Variants in SUGCT observed in about 807,000 individuals in gnomAD.
SUGCT encodes the protein succinyl-CoA:glutarate CoA-transferase.
SUGCT carries 41 observed loss-of-function variants against 55.0 expected under a neutral mutation model. That is an observed-to-expected ratio of 0.74 (90% CI 0.58 to 0.97). The LOEUF is 0.97. Among genes scored for constraint, SUGCT ranks in the 50% least tolerant of loss-of-function variants. The probability of loss-of-function intolerance (pLI) is 0.00; values close to 1 mark genes in which losing one functional copy is unlikely to be tolerated. For missense variants in SUGCT, 568 were observed against 547.8 expected (o/e 1.04, Z -0.37); for synonymous variants, 187 against 200.4 (o/e 0.93, Z 0.56).
intron 9 of SUGCT, among the ~76,000 whole-genome samples, chr7:40,423,066 A>G (rs747681696): frequency 5.3e-5 from 8 of 152,170 alleles, no homozygotes; most frequent in African/African-American, 1.2e-4. Context: ...TGCCTGAGGC[A>G]CAGAGAGGTT....
chr7:40,440,151 T>C lies in SUGCT; in HGVS notation c.817-9136T>C, dbSNP rs1158380877. ...TTTTTGTCTGTGTGTGTGTGTTTTT[T>C]TTTTTTTTTTTTTTTTTTTTTTTTT... On this transcript the variant is annotated intron_variant, in intron 9 of 13. Coordinates refer to ENST00000335693, the MANE Select transcript of SUGCT (RefSeq NM_001193313.2). 2.7e-5 allele frequency among the ~76,000 whole-genome samples: 3 copies of C among 112,742 alleles called. No homozygotes were observed. The East Asian group carries it at 6.9e-4, about 26-fold the overall frequency. The allele number at this position is 112,742 out of a possible 152,430, so 74.0% of individuals were successfully genotyped here.
intron 9 of SUGCT, among the ~76,000 whole-genome samples, chr7:40,427,753 G>T (rs758716591): frequency 3.9e-5 from 6 of 152,252 alleles, no homozygotes; most frequent in Non-Finnish European, 8.8e-5. Flanking sequence ...CCTTCCGATT[G>T]TAATGCAGGA....
At chr7:40,428,993 C>A (rs1440822512) in intron 9 of SUGCT, among the ~76,000 whole-genome samples, 6 of 151,948 alleles carry the variant, frequency 3.9e-5, no homozygotes, top group Non-Finnish European at 8.8e-5. Flanking sequence ...TCCTTTTTTT[C>A]TTTTTAAAAT....
intron 12 of SUGCT, among the ~76,000 whole-genome samples, chr7:40,667,661 C>T (rs1801718336): frequency 6.6e-6 from 1 of 151,376 alleles, no homozygotes; most frequent in Non-Finnish European, 1.5e-5. Flanking sequence ...CAGTTTCTTC[C>T]TGGTTCAATC....
chr7:40,870,755 G>C, the SUGCT span, among the ~76,000 whole-genome samples: 2 of 152,082 alleles, frequency 1.3e-5, no homozygotes, highest in African/African-American at 4.8e-5. Flanking sequence ...TAATTCTATT[G>C]TAAGAGTTGC....
At chr7:40,424,066 A>C (rs1787458520) in intron 9 of SUGCT, among the ~76,000 whole-genome samples, 2 of 152,118 alleles carry the variant, frequency 1.3e-5, no homozygotes, top group Non-Finnish European at 2.9e-5. Flanking sequence ...TTTCCCCTGT[A>C]AATTATTTTT....
chr7:40,242,722 G>A (rs1254507871), intron 7 of SUGCT, among the ~76,000 whole-genome samples: 2 of 151,232 alleles, frequency 1.3e-5, no homozygotes, highest in Admixed American at 1.3e-4. Context: ...AGAGTTTGGG[G>A]TTCTGGCTCT....
chr7:40,995,739 C>A, the SUGCT span, among the ~76,000 whole-genome samples: 2 of 152,122 alleles, frequency 1.3e-5, no homozygotes, highest in African/African-American at 2.4e-5. Context: ...ACCTTACAGC[C>A]CTTCATGGCA....
At chr7:40,411,960 TG>T (rs1786720144) in intron 9 of SUGCT, among the ~76,000 whole-genome samples, 1 of 152,106 alleles carries the variant, frequency 6.6e-6, no homozygotes, top group African/African-American at 2.4e-5. Context: ...ATTTTTTTGA[TG>T]GTGGTGGACA....
intron 1 of SUGCT, among the ~76,000 whole-genome samples, chr7:40,164,181 TGGCGC>T (rs1784313866): frequency 6.6e-6 from 1 of 151,050 alleles, no homozygotes; most frequent in East Asian, 2.0e-4. Context: ...TGGAGTGCAG[TGGCGC>T]AATATTGGCT....
At chr7:40,392,888 A>T (rs1169436598) in intron 9 of SUGCT, among the ~76,000 whole-genome samples, 1 of 152,196 alleles carries the variant, frequency 6.6e-6, no homozygotes, top group African/African-American at 2.4e-5. Flanking sequence ...GAGGAGTTAA[A>T]CAAAAAGTGC....
At position 40,390,360 on chromosome 7, in the gene SUGCT, T is replaced by C. The variant is rs185270292; in HGVS notation, c.817-58927T>C. 3.7e-3 allele frequency among the ~76,000 whole-genome samples: 556 copies of C among 152,300 alleles called. 16 individuals are homozygous for C. Among genetic ancestry groups the C allele is most frequent in the Non-Finnish European group, 7.5e-4 (51 of 68,022 alleles). ...AAGTCAAATTGTCCCTGTTTGCAGA[T>C]GACATGACTGTATATTTAGAAAACC... is the stretch of plus-strand genomic sequence containing the variant. On this transcript the variant is annotated intron_variant, in intron 9 of 13. Transcript: ENST00000335693.
At chr7:40,476,212 C>G (rs111948394) in intron 11 of SUGCT, among the ~76,000 whole-genome samples, 1 of 152,138 alleles carries the variant, frequency 6.6e-6, no homozygotes, top group South Asian at 2.1e-4. Context: ...GTACTTAAAA[C>G]AGTGCCTTAC....
At chr7:40,875,470 C>A in the SUGCT span, among the ~76,000 whole-genome samples, 2 of 152,262 alleles carry the variant, frequency 1.3e-5, no homozygotes, top group Admixed American at 1.3e-4. Context: ...CCATTCCAGG[C>A]TAATTCCTAT....
chr7:40,948,751 A>C, the SUGCT span, among the ~76,000 whole-genome samples: 2 of 152,096 alleles, frequency 1.3e-5, no homozygotes, highest in African/African-American at 2.4e-5. Context: ...GATGATTTCC[A>C]GCTTCATTCT....
chr7:40,694,748 G>A (rs1009514364), intron 12 of SUGCT, among the ~76,000 whole-genome samples: 2 of 152,128 alleles, frequency 1.3e-5, no homozygotes, highest in Non-Finnish European at 2.9e-5. Flanking sequence ...ACAAACTGAA[G>A]AAGATATAAA....
At chr7:40,577,276 G>A (rs991752410) in intron 12 of SUGCT, among the ~76,000 whole-genome samples, 10 of 152,058 alleles carry the variant, frequency 6.6e-5, no homozygotes, top group Non-Finnish European at 1.3e-4. Flanking sequence ...TAAAACTCAT[G>A]CATGTCTACT....
intron 6 of SUGCT, among the ~76,000 whole-genome samples, chr7:40,216,761 C>A (rs1174915531): frequency 1.3e-5 from 2 of 151,058 alleles, no homozygotes; most frequent in African/African-American, 2.4e-5. Flanking sequence ...GGGGCTGAGA[C>A]AGGAGAATCG....
chr7:40,684,222 C>A, intron 12 of SUGCT: 17 of 1,474,562 alleles, frequency 1.2e-5, no homozygotes, highest in Non-Finnish European at 1.4e-5. Flanking sequence ...AGGTTTGTGA[C>A]CTTAATTACA....
Sources: allele counts gnomAD v4.1 joint callset (sites outside exome capture counted in the v4.1 genomes callset), GRCh38; gene constraint gnomAD v4.1.1; transcripts MANE v1.5; gene names NCBI Gene and HGNC (gene_info 2026-07-23, HGNC 2026-07-21).